DPP10: variants seen among roughly 807,000 people sequenced by gnomAD.
DPP10 encodes the protein inactive dipeptidyl peptidase 10.
In DPP10, 33 loss-of-function variants were observed where a neutral mutation model predicts 120.9. The observed-to-expected ratio is 0.27, with a 90% confidence interval of 0.21 to 0.37. DPP10 has a LOEUF of 0.37. DPP10 is among the 10% of genes least tolerant of loss of function. The pLI is 1.00. For synonymous variants in DPP10, 337 were observed against 326.1 expected, an observed-to-expected ratio of 1.03 and a Z score of -0.36; for missense variants, 816 against 942.8, an observed-to-expected ratio of 0.87 and a Z score of 1.76.
intron 1 of DPP10, among the ~76,000 whole-genome samples, chr2:114,974,303 TTG>T (rs1699602113): frequency 6.6e-6 from 1 of 152,222 alleles, no homozygotes; most frequent in Non-Finnish European, 1.5e-5. Flanking sequence ...ACAAATACCA[TTG>T]TGTTACAATT....
intron 1 of DPP10, among the ~76,000 whole-genome samples, chr2:114,573,527 A>G (rs939866511): frequency 6.6e-6 from 1 of 152,218 alleles, no homozygotes; most frequent in South Asian, 2.1e-4. Flanking sequence ...AGAGAAAGAT[A>G]TGGTCCCAAG....
At chr2:115,335,717 G>A (rs1424596728) in intron 2 of DPP10, among the ~76,000 whole-genome samples, 2 of 151,946 alleles carry the variant, frequency 1.3e-5, no homozygotes, top group African/African-American at 2.4e-5. Context: ...TGCAAGGAGG[G>A]GTAGAAGTGA....
chr2:115,593,453 A>G (rs1029901120), intron 5 of DPP10, among the ~76,000 whole-genome samples: 1 of 152,198 alleles, frequency 6.6e-6, no homozygotes, highest in African/African-American at 2.4e-5. Flanking sequence ...TTGTTCATAT[A>G]TAAGTTGCTA....
At chr2:115,606,703 A>G (rs1404935585) in intron 5 of DPP10, among the ~76,000 whole-genome samples, 2 of 152,188 alleles carry the variant, frequency 1.3e-5, no homozygotes, top group Admixed American at 1.3e-4. Flanking sequence ...AGTCAAAGTT[A>G]AAAACACAGG....
intron 1 of DPP10, among the ~76,000 whole-genome samples, chr2:114,592,021 T>C (rs1340701130): frequency 6.8e-6 from 1 of 147,356 alleles, no homozygotes; most frequent in African/African-American, 2.6e-5. Context: ...TAGTGATGCA[T>C]GCAGACAGTG....
At chr2:114,670,164 T>G (rs1178774597) in intron 1 of DPP10, among the ~76,000 whole-genome samples, 1 of 152,164 alleles carries the variant, frequency 6.6e-6, no homozygotes, top group Non-Finnish European at 1.5e-5. Context: ...GCCATCCCAT[T>G]ACTGGGTATA....
intron 1 of DPP10, among the ~76,000 whole-genome samples, chr2:115,262,262 T>C (rs1186734409): frequency 6.6e-6 from 1 of 152,102 alleles, no homozygotes; most frequent in Non-Finnish European, 1.5e-5. Flanking sequence ...AAATTTGGTG[T>C]AACACCAAGT....
chr2:115,634,871 G>GTCCCAGA (rs1235453418), intron 5 of DPP10, among the ~76,000 whole-genome samples: 5 of 151,374 alleles, frequency 3.3e-5, no homozygotes, highest in African/African-American at 7.3e-5. Context: ...TAGGGGCTCA[G>GTCCCAGA]TCCCAGAGAG....
At chr2:115,001,156 T>C (rs1701413404) in intron 1 of DPP10, among the ~76,000 whole-genome samples, 1 of 152,206 alleles carries the variant, frequency 6.6e-6, no homozygotes, top group African/African-American at 2.4e-5. Context: ...GACTCTTTCA[T>C]AGTTAAAATC....
intron 9 of DPP10, 72 bp downstream of exon 9, chr2:115,739,965 G>C: frequency 2.0e-6 from 3 of 1,523,984 alleles, no homozygotes; most frequent in Non-Finnish European, 2.7e-6. Flanking sequence ...TGGTATTCTT[G>C]GTTCTTGAAC....
At chr2:115,178,059 A>G (rs1036829641) in intron 1 of DPP10, among the ~76,000 whole-genome samples, 12 of 152,114 alleles carry the variant, frequency 7.9e-5, no homozygotes, top group African/African-American at 2.7e-4. Flanking sequence ...AAACCTTGAT[A>G]TTATCAAAAT....
chr2:115,113,596 C>T (rs1315348412), intron 1 of DPP10, among the ~76,000 whole-genome samples: 1 of 152,114 alleles, frequency 6.6e-6, no homozygotes, highest in East Asian at 1.9e-4. Context: ...TTCTCTGTCT[C>T]CTTGGTACTT....
intron 1 of DPP10, among the ~76,000 whole-genome samples, chr2:114,706,743 T>G (rs1700712202): frequency 6.6e-6 from 1 of 152,200 alleles, no homozygotes. Flanking sequence ...TAGTATCCAC[T>G]GTTCAACCCA....
chr2:115,427,208 G>A (rs928526088), intron 3 of DPP10, among the ~76,000 whole-genome samples: 2 of 152,170 alleles, frequency 1.3e-5, no homozygotes, highest in East Asian at 1.9e-4. Context: ...GGCACCACCC[G>A]TCTGGAGTGT....
At chr2:115,330,948 T>C (rs2062689038) in intron 2 of DPP10, among the ~76,000 whole-genome samples, 1 of 152,158 alleles carries the variant, frequency 6.6e-6, no homozygotes, top group South Asian at 2.1e-4. Context: ...GGTAGTTTTT[T>C]CCAATTCTGT....
At chr2:115,776,753 GA>G (rs568573753) in intron 13 of DPP10, among the ~76,000 whole-genome samples, 109 of 151,718 alleles carry the variant, frequency 7.2e-4, no homozygotes, top group Middle Eastern at 3.4e-3. Flanking sequence ...ATTCATCTCT[GA>G]AAAAAAATTA....
intron 1 of DPP10, among the ~76,000 whole-genome samples, chr2:114,842,106 GAC>G (rs970351893): frequency 1.3e-5 from 2 of 152,116 alleles, no homozygotes; most frequent in Admixed American, 6.6e-5. Context: ...GGCAGACTGA[GAC>G]ATATTGTCAC....
At chr2:115,424,001 T>A (rs989162831) in intron 3 of DPP10, among the ~76,000 whole-genome samples, 1 of 152,164 alleles carries the variant, frequency 6.6e-6, no homozygotes. Flanking sequence ...GTCTTCAGGA[T>A]CTGATCATTC....
intron 1 of DPP10, among the ~76,000 whole-genome samples, chr2:115,028,111 A>G (rs1703596330): frequency 6.6e-6 from 1 of 151,880 alleles, no homozygotes; most frequent in Admixed American, 6.6e-5. Flanking sequence ...TTTCTGCTCC[A>G]ATTTTTATTA....
Sources: gnomAD v4.1 joint callset for allele counts (sites outside exome capture counted in the v4.1 genomes callset) on GRCh38, gnomAD v4.1.1 for gene constraint, MANE v1.5 for transcripts, NCBI Gene and HGNC (gene_info 2026-07-23, HGNC 2026-07-21) for gene names.